MECOM: variants seen among roughly 807,000 people sequenced by gnomAD.
The protein encoded by MECOM is histone-lysine N-methyltransferase MECOM.
A neutral mutation model predicts 116.3 loss-of-function variants in MECOM; 13 were observed. The ratio of observed to expected loss-of-function variants is 0.11; its 90% CI spans 0.07 to 0.18. The LOEUF is 0.18. MECOM is among the 10% of genes least tolerant of loss of function. The pLI, the probability that MECOM is intolerant of heterozygous loss-of-function variation, is 1.00. For synonymous variants in MECOM, 528 were observed against 535.2 expected, an observed-to-expected ratio of 0.99 and a Z score of 0.19; for missense variants, 1,299 against 1,509.0, an observed-to-expected ratio of 0.86 and a Z score of 2.31.
intron 1 of MECOM, among the ~76,000 whole-genome samples, chr3:169,579,635 G>T (rs141084221): frequency 6.6e-6 from 1 of 152,184 alleles, no homozygotes; most frequent in Non-Finnish European, 1.5e-5. Flanking sequence ...AAAGGGTAAG[G>T]CATTATAGTT....
chr3:169,094,514 T>A (rs746864567), intron 13 of MECOM, among the ~76,000 whole-genome samples: 13 of 152,250 alleles, frequency 8.5e-5, no homozygotes, highest in Non-Finnish European at 1.9e-4. Flanking sequence ...GTTACTTTTA[T>A]CTTACTTTCA....
intron 2 of MECOM, among the ~76,000 whole-genome samples, chr3:169,159,529 G>C (rs1172738899): frequency 1.3e-5 from 2 of 152,120 alleles, no homozygotes; most frequent in Admixed American, 6.5e-5. Flanking sequence ...ACTGCATCCA[G>C]CCCGGGCAAC....
rs541871531 is a variant in MECOM, at chr3:169,117,872, A to AT, written c.1133-1134dup. Among the ~76,000 whole-genome samples, 421 of 151,360 alleles carry AT rather than the reference A, an allele frequency of 2.8e-3. 3 individuals are homozygous for AT. Among genetic ancestry groups the AT allele is most frequent in the African/African-American group, 9.5e-3 (393 of 41,178 alleles). On this transcript the variant is annotated intron_variant, in intron 7 of 16. Coordinates refer to ENST00000651503, the MANE Select transcript of MECOM (RefSeq NM_004991.4). ...ACAGTATCAGTACCCTGAGCATCAC[A>AT]TTTTTTATTTTACTTTACGGGATTG...
chr3:169,487,640 A>T (rs1043939295), intron 1 of MECOM, among the ~76,000 whole-genome samples: 1 of 152,146 alleles, frequency 6.6e-6, no homozygotes, highest in African/African-American at 2.4e-5. Context: ...CAAATACAAA[A>T]CAGAAAATAA....
intron 1 of MECOM, among the ~76,000 whole-genome samples, chr3:169,474,124 T>C (rs1037986551): frequency 6.6e-6 from 1 of 152,202 alleles, no homozygotes; most frequent in Non-Finnish European, 1.5e-5. Flanking sequence ...ATTTCTTTTG[T>C]AGTGGCACAT....
At chr3:169,512,873 A>T (rs1410636807) in intron 1 of MECOM, among the ~76,000 whole-genome samples, 2 of 152,082 alleles carry the variant, frequency 1.3e-5, no homozygotes, top group African/African-American at 4.8e-5. Flanking sequence ...CTTACTAGAA[A>T]CCAGGGTTGC....
chr3:169,467,592 A>T (rs959473339), intron 1 of MECOM, among the ~76,000 whole-genome samples: 15 of 152,178 alleles, frequency 9.9e-5, no homozygotes, highest in African/African-American at 3.6e-4. Context: ...CTACCAAGGG[A>T]GCTCTACATG....
intron 2 of MECOM, among the ~76,000 whole-genome samples, chr3:169,167,883 T>C (rs1396944084): frequency 2.6e-5 from 4 of 152,080 alleles, no homozygotes; most frequent in South Asian, 2.1e-4. Context: ...GTACTTGTCC[T>C]TTCGGGTTGC....
At chr3:169,389,736 C>T (rs1733934637) in intron 1 of MECOM, among the ~76,000 whole-genome samples, 1 of 152,294 alleles carries the variant, frequency 6.6e-6, no homozygotes. Flanking sequence ...GCCATATCTA[C>T]AGTAATTATT....
intron 1 of MECOM, among the ~76,000 whole-genome samples, chr3:169,416,961 A>T (rs1268365517): frequency 1.3e-5 from 2 of 152,212 alleles, no homozygotes; most frequent in African/African-American, 4.8e-5. Context: ...TTAATTCAAG[A>T]AGGATTAAAG....
At chr3:169,486,762 C>T (rs1431147978) in intron 1 of MECOM, among the ~76,000 whole-genome samples, 2 of 152,050 alleles carry the variant, frequency 1.3e-5, no homozygotes, top group Non-Finnish European at 2.9e-5. Flanking sequence ...TCCAAAGCAA[C>T]GTATTCTAAA....
At chr3:169,388,508 A>G (rs1560211386) in intron 1 of MECOM, among the ~76,000 whole-genome samples, 1 of 152,186 alleles carries the variant, frequency 6.6e-6, no homozygotes, top group Admixed American at 6.5e-5. Flanking sequence ...CAAAGAAACG[A>G]AGAAAGGAAA....
intron 1 of MECOM, among the ~76,000 whole-genome samples, chr3:169,635,765 A>C (rs557923045): frequency 1.3e-5 from 2 of 152,346 alleles, no homozygotes; most frequent in East Asian, 3.9e-4. Flanking sequence ...TAAATAATCT[A>C]GAGTATAAAG....
At chr3:169,475,341 C>A (rs1334804279) in intron 1 of MECOM, among the ~76,000 whole-genome samples, 2 of 152,286 alleles carry the variant, frequency 1.3e-5, no homozygotes, top group Middle Eastern at 3.4e-3. Flanking sequence ...CCTGGCCCAA[C>A]TTTATCAAGA....
At chr3:169,452,496 G>A (rs1745778780) in intron 1 of MECOM, among the ~76,000 whole-genome samples, 1 of 152,082 alleles carries the variant, frequency 6.6e-6, no homozygotes, top group Non-Finnish European at 1.5e-5. Context: ...TATTTACATT[G>A]TATTGGAATT....
At chr3:169,130,475 C>A (rs1190686069) in intron 4 of MECOM, among the ~76,000 whole-genome samples, 2 of 150,662 alleles carry the variant, frequency 1.3e-5, no homozygotes, top group African/African-American at 4.9e-5. Context: ...GCCGCCAGCC[C>A]TCCCCCTCCC....
chr3:169,505,103 T>C (rs1755033203), intron 1 of MECOM, among the ~76,000 whole-genome samples: 1 of 152,160 alleles, frequency 6.6e-6, no homozygotes, highest in African/African-American at 2.4e-5. Flanking sequence ...CAAACATGTC[T>C]AAAACAAAAA....
intron 2 of MECOM, among the ~76,000 whole-genome samples, chr3:169,164,838 T>C (rs1447116208): frequency 1.3e-5 from 2 of 152,172 alleles, no homozygotes; most frequent in African/African-American, 4.8e-5. Context: ...TCCTTGCTAT[T>C]TGTTTCCTTA....
intron 2 of MECOM, among the ~76,000 whole-genome samples, chr3:169,250,439 G>A (rs888783141): frequency 2.0e-5 from 3 of 152,162 alleles, no homozygotes; most frequent in Admixed American, 6.6e-5. Flanking sequence ...AGACCTTTAT[G>A]CAAAATGTAG....
Sources: allele counts gnomAD v4.1 joint callset (sites outside exome capture counted in the v4.1 genomes callset), GRCh38; gene constraint gnomAD v4.1.1; transcripts MANE v1.5; gene names NCBI Gene and HGNC (gene_info 2026-07-23, HGNC 2026-07-21).